SLC24A2: variants seen among roughly 807,000 people sequenced by gnomAD.
The protein encoded by SLC24A2 is sodium/potassium/calcium exchanger 2.
SLC24A2 carries 36 observed loss-of-function variants against 62.0 expected under a neutral mutation model. That is an observed-to-expected ratio of 0.58 (90% CI 0.44 to 0.77). SLC24A2 has a LOEUF of 0.77. SLC24A2 is among the 30% of genes least tolerant of loss of function. The pLI is 0.00. For missense variants in SLC24A2, 846 were observed against 817.9 expected, an observed-to-expected ratio of 1.03 and a Z score of -0.42; for synonymous variants, 358 against 294.0, an observed-to-expected ratio of 1.22 and a Z score of -2.23.
the SLC24A2 span, among the ~76,000 whole-genome samples, chr9:20,035,958 C>T: frequency 6.6e-6 from 1 of 151,818 alleles, no homozygotes; most frequent in African/African-American, 2.4e-5. Flanking sequence ...GATAGGAGTC[C>T]TAAGGAAGAA....
chr9:19,745,885 T>C (rs1434299513), intron 2 of SLC24A2, among the ~76,000 whole-genome samples: 3 of 152,186 alleles, frequency 2.0e-5, no homozygotes, highest in Non-Finnish European at 2.9e-5. Context: ...AAATCATAGT[T>C]AGGAAAGTGT....
chr9:19,650,633 T>C (rs966735783), intron 2 of SLC24A2, among the ~76,000 whole-genome samples: 1 of 152,172 alleles, frequency 6.6e-6, no homozygotes, highest in Non-Finnish European at 1.5e-5. Flanking sequence ...AGCTGTGACC[T>C]TGGCCTCATT....
At chr9:19,544,396 G>C (rs548320223) in intron 8 of SLC24A2, among the ~76,000 whole-genome samples, 2 of 152,022 alleles carry the variant, frequency 1.3e-5, no homozygotes, top group South Asian at 4.2e-4. Flanking sequence ...TTGCCAGTCT[G>C]TGTCTTTTAA....
At chr9:20,164,688 T>C in the SLC24A2 span, among the ~76,000 whole-genome samples, 1 of 152,006 alleles carries the variant, frequency 6.6e-6, no homozygotes, top group South Asian at 2.1e-4. Flanking sequence ...TGCACACCTA[T>C]GTTTATTGTG....
the SLC24A2 span, among the ~76,000 whole-genome samples, chr9:19,848,721 A>G: frequency 1.6e-3 from 237 of 145,122 alleles, 3 homozygotes; most frequent in African/African-American, 5.8e-3. Context: ...AGGTGAGATA[A>G]AAAAATGTAA....
At chr9:19,745,734 GT>G (rs960558037) in intron 2 of SLC24A2, among the ~76,000 whole-genome samples, 2 of 152,020 alleles carry the variant, frequency 1.3e-5, no homozygotes, top group African/African-American at 2.4e-5. Context: ...TTTATTAAAT[GT>G]TTTTTCATAT....
At chr9:19,920,583 G>T in the SLC24A2 span, among the ~76,000 whole-genome samples, 3 of 152,136 alleles carry the variant, frequency 2.0e-5, no homozygotes, top group Non-Finnish European at 4.4e-5. Context: ...TACCTGCTGG[G>T]AACCTCTGGG....
chr9:20,228,833 G>A, the SLC24A2 span, among the ~76,000 whole-genome samples: 1 of 152,140 alleles, frequency 6.6e-6, no homozygotes, highest in Non-Finnish European at 1.5e-5. Context: ...TGAGGAAGGA[G>A]AGCTAAGGCT....
At position 19,767,459 on chromosome 9, in the gene SLC24A2, G is replaced by A. The variant is rs10964277; in HGVS notation, c.930+18478C>T. Among the ~76,000 whole-genome samples the A allele has an allele frequency of 9.3e-3, 1,411 of 152,332 alleles. 25 individuals are homozygous for A. The highest frequency in any genetic ancestry group is 0.063 in the South Asian group (306 of 4,826). ...GGCAACTGAGGGAATCTCCTGGTCT[G>A]CGGGTTGTGAAGACCATGGGAAAAG... On this transcript the variant is annotated intron_variant, in intron 2 of 10. Coordinates refer to ENST00000341998, the MANE Select transcript of SLC24A2 (RefSeq NM_020344.4).
chr9:19,750,494 A>G (rs1480595669), intron 2 of SLC24A2, among the ~76,000 whole-genome samples: 3 of 151,974 alleles, frequency 2.0e-5, no homozygotes, highest in African/African-American at 7.3e-5. Flanking sequence ...TCAAATGCCA[A>G]TTCCTTTTGA....
At chr9:19,895,667 C>T in the SLC24A2 span, 21 of 697,936 alleles carry the variant, frequency 3.0e-5, no homozygotes, top group East Asian at 5.3e-4. Context: ...CCCCTGCAGG[C>T]TCCTGCCTTC....
chr9:20,034,906 G>A, the SLC24A2 span, among the ~76,000 whole-genome samples: 198 of 152,234 alleles, frequency 1.3e-3, no homozygotes, highest in African/African-American at 4.3e-3. Context: ...ATTGGTGAAC[G>A]TGCATGTTTG....
At chr9:19,969,350 G>A in the SLC24A2 span, among the ~76,000 whole-genome samples, 2 of 151,924 alleles carry the variant, frequency 1.3e-5, no homozygotes, top group Non-Finnish European at 2.9e-5. Context: ...ATTCCCTCAA[G>A]ATCAAAGTTA....
the SLC24A2 span, among the ~76,000 whole-genome samples, chr9:19,862,301 T>C: frequency 2.6e-5 from 4 of 152,178 alleles, no homozygotes; most frequent in East Asian, 5.8e-4. Flanking sequence ...ATATTTAAAA[T>C]ACTCAAAGAA....
intron 2 of SLC24A2, among the ~76,000 whole-genome samples, chr9:19,708,825 A>G (rs13286588): frequency 2.0e-5 from 3 of 151,972 alleles, no homozygotes; most frequent in African/African-American, 7.2e-5. Context: ...CTAGGCAATA[A>G]CATTCAGGAC....
chr9:19,965,663 A>G, the SLC24A2 span, among the ~76,000 whole-genome samples: 67 of 152,292 alleles, frequency 4.4e-4, no homozygotes, highest in African/African-American at 1.6e-3. Flanking sequence ...AAACAATTCC[A>G]TGGCAAAATG....
At chr9:19,549,895 A>G (rs1299220602) in intron 8 of SLC24A2, among the ~76,000 whole-genome samples, 2 of 152,346 alleles carry the variant, frequency 1.3e-5, no homozygotes, top group Non-Finnish European at 2.9e-5. Flanking sequence ...TAACCTGAAC[A>G]ATCAGTGTGA....
At chr9:19,941,590 T>TGTGTGTGTGTGTGTGTGAGA in the SLC24A2 span, among the ~76,000 whole-genome samples, 25 of 127,980 alleles carry the variant, frequency 2.0e-4, no homozygotes, top group East Asian at 1.7e-3. Flanking sequence ...TGTGTGTGTG[T>TGTGTGTGTGTGTGTGTGAGA]GAGAGAGAGA....
chr9:19,949,410 G>A, the SLC24A2 span, among the ~76,000 whole-genome samples: 11 of 152,290 alleles, frequency 7.2e-5, no homozygotes, highest in Non-Finnish European at 1.3e-4. Context: ...GAAGATAGAG[G>A]GAAATGTATG....
Sources: gnomAD v4.1 joint callset for allele counts (sites outside exome capture counted in the v4.1 genomes callset) on GRCh38, gnomAD v4.1.1 for gene constraint, MANE v1.5 for transcripts, NCBI Gene and HGNC (gene_info 2026-07-23, HGNC 2026-07-21) for gene names.